Variants in SMAP1 observed in about 807,000 individuals in gnomAD.
SMAP1 encodes the protein stromal membrane-associated protein 1.
A neutral mutation model predicts 58.5 loss-of-function variants in SMAP1; 24 were observed. The ratio of observed to expected loss-of-function variants is 0.41; its 90% CI spans 0.30 to 0.58. The LOEUF (loss-of-function observed/expected upper bound fraction) is 0.58, where lower values mean the gene tolerates loss of function less well. Among genes scored for constraint, SMAP1 ranks in the 20% least tolerant of loss-of-function variants. The pLI is 0.29. For synonymous variants in SMAP1, 216 were observed against 196.6 expected, an observed-to-expected ratio of 1.10 and a Z score of -0.82; for missense variants, 563 against 566.3, an observed-to-expected ratio of 0.99 and a Z score of 0.06.
chr6:70,791,576 T>G (rs1768353605), intron 4 of SMAP1, 113 bp from the exon 5 acceptor site: 3 of 758,280 alleles, frequency 4.0e-6, no homozygotes, highest in Non-Finnish European at 6.4e-6. Flanking sequence ...AACATGCCTC[T>G]AAGTGCTTCT....
Position 70,793,617 on chromosome 6 carries a change from T to C in SMAP1, c.495+1848T>C, listed in dbSNP as rs564212892. On this transcript the variant is annotated intron_variant, in intron 5 of 10. Coordinates refer to ENST00000370455, the MANE Select transcript of SMAP1 (RefSeq NM_001044305.3). ...GGTTGGATATACAGGTCTAGGCCCATGGGAAAGAAAAGGGGAGGAGAGTAG... is the reference window on the plus strand; with the variant it reads ...GGTTGGATATACAGGTCTAGGCCCACGGGAAAGAAAAGGGGAGGAGAGTAG... Among the ~76,000 whole-genome samples the C allele has an allele frequency of 2.0e-5, 3 of 146,646 alleles. No homozygotes were observed. In the South Asian group the frequency reaches 6.5e-4, roughly 32 times the overall value.
At chr6:70,794,792 T>TC (rs1157225581) in intron 5 of SMAP1, among the ~76,000 whole-genome samples, 1 of 148,218 alleles carries the variant, frequency 6.7e-6, no homozygotes, top group African/African-American at 2.5e-5. Flanking sequence ...TCTTTTCTTT[T>TC]TTTTTTTTTT....
At chr6:70,808,705 A>G (rs976866159) in intron 6 of SMAP1, among the ~76,000 whole-genome samples, 19 of 152,210 alleles carry the variant, frequency 1.2e-4, no homozygotes, top group Admixed American at 5.2e-4. Flanking sequence ...ATCATCTAAC[A>G]GTATCCTTAA....
chr6:70,768,521 A>T (rs559567987), intron 3 of SMAP1, among the ~76,000 whole-genome samples: 10 of 152,090 alleles, frequency 6.6e-5, no homozygotes, highest in East Asian at 3.9e-4. Context: ...CTTCTAGATT[A>T]TCCAGTTTAT....
intron 1 of SMAP1, among the ~76,000 whole-genome samples, chr6:70,725,755 C>T (rs895080693): frequency 1.3e-5 from 2 of 152,174 alleles, no homozygotes; most frequent in Non-Finnish European, 2.9e-5. Context: ...CAGTTTCCCT[C>T]TCCAACAAAT....
At chr6:70,772,678 C>A (rs1767380872) in intron 3 of SMAP1, among the ~76,000 whole-genome samples, 1 of 152,190 alleles carries the variant, frequency 6.6e-6, no homozygotes, top group South Asian at 2.1e-4. Flanking sequence ...GTCCAGACAA[C>A]TTCAAGAATT....
At chr6:70,823,241 A>G (rs1309428263) in intron 6 of SMAP1, among the ~76,000 whole-genome samples, 2 of 152,190 alleles carry the variant, frequency 1.3e-5, no homozygotes, top group African/African-American at 2.4e-5. Flanking sequence ...ACTCAGATAA[A>G]TAGGACTTTA....
chr6:70,839,555 C>A (rs1400138177), intron 7 of SMAP1, among the ~76,000 whole-genome samples: 1 of 152,092 alleles, frequency 6.6e-6, no homozygotes, highest in African/African-American at 2.4e-5. Flanking sequence ...AACCAAAGTT[C>A]ATTTAGCAGG....
chr6:70,758,947 A>G (rs1766633494), intron 3 of SMAP1, among the ~76,000 whole-genome samples: 2 of 152,118 alleles, frequency 1.3e-5, no homozygotes, highest in Non-Finnish European at 2.9e-5. Flanking sequence ...TGTTACACAT[A>G]TACATGGAGT....
intron 3 of SMAP1, among the ~76,000 whole-genome samples, chr6:70,763,957 C>G (rs1044121082): frequency 6.6e-6 from 1 of 152,170 alleles, no homozygotes; most frequent in African/African-American, 2.4e-5. Flanking sequence ...CTGTGTCACC[C>G]AGGCTGGAAT....
intron 1 of SMAP1, among the ~76,000 whole-genome samples, chr6:70,689,969 G>A (rs1208015024): frequency 6.6e-6 from 1 of 151,958 alleles, no homozygotes; most frequent in Non-Finnish European, 1.5e-5. Flanking sequence ...ATTCTATTAG[G>A]TCTCCTACCT....
chr6:70,732,784 A>G (rs912333770), intron 2 of SMAP1, among the ~76,000 whole-genome samples: 9 of 152,192 alleles, frequency 5.9e-5, no homozygotes, highest in African/African-American at 2.2e-4. Context: ...AAAATTTGCC[A>G]GTATAATTCC....
chr6:70,838,931 A>T (rs1325180248), intron 7 of SMAP1, among the ~76,000 whole-genome samples: 1 of 152,160 alleles, frequency 6.6e-6, no homozygotes, highest in Non-Finnish European at 1.5e-5. Flanking sequence ...TAAGGATGAC[A>T]TTACAAGATG....
At chr6:70,734,117 C>G (rs1213154438) in intron 2 of SMAP1, among the ~76,000 whole-genome samples, 2 of 150,058 alleles carry the variant, frequency 1.3e-5, no homozygotes, top group African/African-American at 4.9e-5. Flanking sequence ...AGGAATTGCT[C>G]TGTCTGGCCC....
intron 6 of SMAP1, among the ~76,000 whole-genome samples, chr6:70,826,928 G>C (rs1401675846): frequency 1.0e-5 from 1 of 99,380 alleles, no homozygotes; most frequent in Non-Finnish European, 1.9e-5. Flanking sequence ...GAGTGAAACC[G>C]TGTCTCAAAA....
At chr6:70,776,757 C>T (rs1039782817) in intron 4 of SMAP1, among the ~76,000 whole-genome samples, 6 of 152,116 alleles carry the variant, frequency 3.9e-5, no homozygotes, top group Non-Finnish European at 8.8e-5. Context: ...TCCTTCTGTG[C>T]CTGACTTATT....
At chr6:70,819,109 T>A (rs2149979366) in intron 6 of SMAP1, among the ~76,000 whole-genome samples, 1 of 152,300 alleles carries the variant, frequency 6.6e-6, no homozygotes, top group South Asian at 2.1e-4. Context: ...TATGTAAACA[T>A]TATTCAAGAT....
rs1036609549 is a variant in SMAP1, at chr6:70,860,630, T to C, written c.*296T>C. On this transcript the variant is annotated 3_prime_UTR_variant, in exon 11 of 11. Transcript: ENST00000370455. ...ATCAGTTTTCCTCTCAATAAAATTA[T>C]AGCTCTAATGTTTGCATATAAGGGA... The C allele has an allele frequency of 4.6e-6, 2 of 434,134 alleles. No homozygotes were observed. Among genetic ancestry groups the C allele is most frequent in the Admixed American group, 4.0e-5 (1 of 25,220 alleles). The allele number at this position is 434,134 out of a possible 1,614,324, so 26.9% of individuals were successfully genotyped here. A position where few individuals can be genotyped will look rare whatever the true frequency, so the allele number is the denominator to read the frequency against.
At chr6:70,806,603 G>A (rs1178744558) in intron 6 of SMAP1, among the ~76,000 whole-genome samples, 3 of 152,172 alleles carry the variant, frequency 2.0e-5, no homozygotes, top group African/African-American at 7.2e-5. Context: ...GCTAGGAGCT[G>A]CAGACCGGAG....
Sources: gnomAD v4.1 joint callset for allele counts (sites outside exome capture counted in the v4.1 genomes callset) on GRCh38, gnomAD v4.1.1 for gene constraint, MANE v1.5 for transcripts, NCBI Gene and HGNC (gene_info 2026-07-23, HGNC 2026-07-21) for gene names.